The following CDH13 variants were observed in gnomAD, a reference collection of about 807,000 sequenced individuals.
CDH13 encodes cadherin-13.
A neutral mutation model predicts 63.8 loss-of-function variants in CDH13; 24 were observed. The ratio of observed to expected loss-of-function variants is 0.38; its 90% confidence interval spans 0.27 to 0.53. The LOEUF (loss-of-function observed/expected upper bound fraction) is 0.53. CDH13 is among the 20% of genes least tolerant of loss of function. The pLI, the probability that CDH13 is intolerant of heterozygous loss-of-function variation, is 0.85. For missense variants in CDH13, 1,049 were observed against 903.1 expected (o/e 1.16, Z -2.07); for synonymous variants, 503 against 355.3 (o/e 1.42, Z -4.67).
chr16:82,818,418 G>C (rs1419186118), intron 1 of CDH13, among the ~76,000 whole-genome samples: 1 of 152,120 alleles, frequency 6.6e-6, no homozygotes, highest in Non-Finnish European at 1.5e-5. Flanking sequence ...GGAACCCTAA[G>C]TATGTTCATC....
intron 1 of CDH13, among the ~76,000 whole-genome samples, chr16:82,635,008 A>G (rs1431318604): frequency 2.6e-5 from 4 of 152,226 alleles, no homozygotes; most frequent in East Asian, 1.9e-4. Context: ...ATCAATAGCA[A>G]TTAATGAATA....
At chr16:83,440,453 AG>A (rs562252466) in intron 6 of CDH13, among the ~76,000 whole-genome samples, 35 of 152,088 alleles carry the variant, frequency 2.3e-4, no homozygotes, top group Admixed American at 7.9e-4. Flanking sequence ...CGTGGGGAGG[AG>A]GGGTCTCTGC....
Position 83,656,012 on chromosome 16 carries a change from A to G in CDH13, c.1102-14778A>G, listed in dbSNP as rs564600464. Reference sequence around the variant, plus strand: ...GCACATATTCTGCATGCATGCAACCATTACCACTATCTAAGGCTGGAACTT... The same window carrying G: ...GCACATATTCTGCATGCATGCAACCGTTACCACTATCTAAGGCTGGAACTT... On this transcript the variant is annotated intron_variant, in intron 8 of 13. Coordinates refer to ENST00000567109, the MANE Select transcript of CDH13 (RefSeq NM_001257.5). Among the ~76,000 whole-genome samples the G allele has an allele frequency of 3.9e-5, 6 of 152,178 alleles. No homozygotes were observed. The South Asian group carries it at 6.2e-4, about 16-fold the overall frequency.
At chr16:83,363,181 A>C (rs2091196369) in intron 6 of CDH13, among the ~76,000 whole-genome samples, 1 of 152,232 alleles carries the variant, frequency 6.6e-6, no homozygotes. Flanking sequence ...CAATCAGCAC[A>C]GCTTAAACAT....
intron 5 of CDH13, among the ~76,000 whole-genome samples, chr16:83,304,541 A>T (rs551248929): frequency 7.2e-5 from 11 of 152,318 alleles, no homozygotes; most frequent in Admixed American, 4.6e-4. Context: ...TGTAGTTAAT[A>T]CAGAATGACT....
chr16:83,087,790 C>T (rs542326106), intron 3 of CDH13, among the ~76,000 whole-genome samples: 2 of 146,082 alleles, frequency 1.4e-5, no homozygotes, highest in Non-Finnish European at 3.0e-5. Flanking sequence ...TATTTTCAAA[C>T]ACTTCAGTCC....
At chr16:83,575,546 C>G (rs979362405) in intron 7 of CDH13, among the ~76,000 whole-genome samples, 1 of 152,164 alleles carries the variant, frequency 6.6e-6, no homozygotes, top group Admixed American at 6.5e-5. Flanking sequence ...GCCCTCCAGC[C>G]CGGGGGTTTC....
intron 10 of CDH13, among the ~76,000 whole-genome samples, chr16:83,733,278 A>G (rs569193697): frequency 6.6e-6 from 1 of 152,190 alleles, no homozygotes; most frequent in African/African-American, 2.4e-5. Flanking sequence ...GTGCCTCCGG[A>G]TGATGATCCG....
rs1184326880 is a variant in CDH13, at chr16:83,216,441, T to TAA, written c.484-903_484-902insAA. 4.5e-3 allele frequency among the ~76,000 whole-genome samples: 501 copies of TAA among 111,168 alleles called. 26 individuals carry two copies. Among genetic ancestry groups the TAA allele is most frequent in the Non-Finnish European group, 6.9e-3 (366 of 52,830 alleles). 72.9% of individuals were successfully genotyped at this position (111,168 alleles called of 152,430 possible). A position where few individuals can be genotyped will look rare whatever the true frequency, so the allele number is the denominator to read the frequency against. On this transcript the variant is annotated intron_variant, in intron 4 of 13. Transcript: ENST00000567109. ...ATATATATATATATATATATATATATATACACAACCCTAATTTGAGGTTTA... is the reference window on the plus strand; with the variant it reads ...ATATATATATATATATATATATATATAAATACACAACCCTAATTTGAGGTTTA...
intron 2 of CDH13, among the ~76,000 whole-genome samples, chr16:82,982,335 T>C (rs1342485151): frequency 1.3e-5 from 2 of 152,236 alleles, no homozygotes; most frequent in Non-Finnish European, 2.9e-5. Context: ...CTTTTAGAAC[T>C]GTATTAGGTT....
intron 1 of CDH13, among the ~76,000 whole-genome samples, chr16:82,852,960 C>T (rs1212177751): frequency 2.6e-5 from 4 of 151,940 alleles, no homozygotes; most frequent in Admixed American, 2.0e-4. Flanking sequence ...GAATCAGTAC[C>T]TGTCAGGATA....
rs1170857170 is a variant in CDH13, at chr16:83,180,987, C to T, written c.484-36358C>T. ...AACATCCTATTTGGCGACATTATTG[C>T]TTTAAAGGAATAAATCACAAACATT... is the stretch of plus-strand genomic sequence containing the variant. On this transcript the variant is annotated intron_variant, in intron 4 of 13. Coordinates refer to ENST00000567109, the MANE Select transcript of CDH13 (RefSeq NM_001257.5). 3 of 1,528,710 alleles carry T rather than the reference C, an allele frequency of 2.0e-6. No homozygotes were observed. In the South Asian group the frequency reaches 3.7e-5, roughly 19 times the overall value. The allele number at this position is 1,528,710 out of a possible 1,614,324, so 94.7% of individuals were successfully genotyped here. A position where few individuals can be genotyped will look rare whatever the true frequency, so the allele number is the denominator to read the frequency against.
intron 10 of CDH13, among the ~76,000 whole-genome samples, chr16:83,744,467 G>A (rs1032777007): frequency 2.6e-5 from 4 of 152,240 alleles, no homozygotes; most frequent in African/African-American, 7.2e-5. Flanking sequence ...ATAGTGAAAG[G>A]ATCATTGCAG....
In CDH13 at chr16:83,780,995, T is replaced by C. The variant is rs183073226; in HGVS notation, c.1915+794T>C. 1.6e-3 allele frequency among the ~76,000 whole-genome samples: 245 copies of C among 152,332 alleles called. 1 individual carries two copies. Among genetic ancestry groups the C allele is most frequent in the African/African-American group, 5.5e-3 (230 of 41,564 alleles). On this transcript the variant is annotated intron_variant, in intron 12 of 13. Coordinates refer to ENST00000567109, the MANE Select transcript of CDH13 (RefSeq NM_001257.5). ...ATAGTCTTCAACCTCCAACCTTCCA[T>C]AGTACGCTGCAGACCTCCTCAGACT...
intron 4 of CDH13, among the ~76,000 whole-genome samples, chr16:83,132,501 G>C (rs1300321084): frequency 7.8e-6 from 1 of 127,658 alleles, no homozygotes; most frequent in Non-Finnish European, 1.5e-5. Flanking sequence ...AGGCTGGAGT[G>C]CATTGGTGCA....
intron 1 of CDH13, among the ~76,000 whole-genome samples, chr16:82,846,770 A>T (rs1395821718): frequency 6.6e-6 from 1 of 152,214 alleles, no homozygotes; most frequent in Non-Finnish European, 1.5e-5. Flanking sequence ...AGCCTGGCAG[A>T]TAATAGAAAT....
intron 5 of CDH13, among the ~76,000 whole-genome samples, chr16:83,287,787 A>G (rs35057768): frequency 0.03 from 4,587 of 152,260 alleles, 105 homozygotes; most frequent in Non-Finnish European, 0.045. Context: ...CCATGAAAAA[A>G]TTGTCTTCCA....
At position 83,500,216 on chromosome 16, in the gene CDH13, A is replaced by C. The variant is rs2074238962; in HGVS notation, c.960+13561A>C. On this transcript the variant is annotated intron_variant, in intron 7 of 13. Transcript: ENST00000567109. Reference sequence around the variant, plus strand: ...AACACTATCACATTTGAATTCAGACACTAGTTTCTTTCTTCTCCTTCTTCT... The same window carrying C: ...AACACTATCACATTTGAATTCAGACCCTAGTTTCTTTCTTCTCCTTCTTCT... Among the ~76,000 whole-genome samples the C allele has an allele frequency of 2.7e-5, 4 of 148,542 alleles. 1 individual carries two copies. Among genetic ancestry groups the C allele is most frequent in the South Asian group, 2.2e-4 (1 of 4,474 alleles).
At chr16:82,862,437 A>T (rs1231199797) in intron 2 of CDH13, among the ~76,000 whole-genome samples, 1 of 152,246 alleles carries the variant, frequency 6.6e-6, no homozygotes, top group Non-Finnish European at 1.5e-5. Flanking sequence ...ATGTGTGGTC[A>T]TTGAGCTCAT....
Sources: allele counts gnomAD v4.1 joint callset (sites outside exome capture counted in the v4.1 genomes callset), GRCh38; gene constraint gnomAD v4.1.1; transcripts MANE v1.5; gene names NCBI Gene and HGNC (gene_info 2026-07-23, HGNC 2026-07-21).